The following SCRG1 variants were observed in gnomAD, a reference collection of about 807,000 sequenced individuals.
SCRG1 encodes stimulator of chondrogenesis 1, also known as scrapie-responsive protein 1.
Under a neutral mutation model 7.7 loss-of-function variants are expected in SCRG1, and 3 were observed. The ratio of observed to expected loss-of-function variants is 0.39; its 90% CI spans 0.18 to 1.01. The LOEUF is 1.01. Among genes scored for constraint, SCRG1 ranks in the 50% least tolerant of loss-of-function variants. The probability of loss-of-function intolerance (pLI) is 0.36; values close to 1 mark genes in which losing one functional copy is unlikely to be tolerated. For missense variants in SCRG1, 110 were observed against 117.2 expected (o/e 0.94, Z 0.28); for synonymous variants, 46 against 41.2 (o/e 1.12, Z -0.44).
chr4:173,498,054 T>C, the SCRG1 span, among the ~76,000 whole-genome samples: 1 of 152,186 alleles, frequency 6.6e-6, no homozygotes, highest in Non-Finnish European at 1.5e-5. Context: ...TGGGAGTTTG[T>C]TGTGTGAAGG....
In SCRG1 at chr4:173,385,359, A is replaced by G. The variant is rs970334620; in HGVS notation, c.*2982T>C. ...GTGACAAGTGCCTGTAGTCCCAGCT[A>G]CTCAGGAGGTTGAAGCACAAGTATC... On this transcript the variant is annotated 3_prime_UTR_variant, in exon 3 of 3. Transcript: ENST00000296506. 2.6e-5 allele frequency: 4 copies of G among 152,076 alleles called. No individual in the cohort carries two copies. The highest frequency in any genetic ancestry group is 5.9e-5 in the Non-Finnish European group (4 of 68,004). 9.4% of individuals were successfully genotyped at this position (152,076 alleles called of 1,614,324 possible).
At chr4:173,447,032 T>C in the SCRG1 span, among the ~76,000 whole-genome samples, 3 of 152,252 alleles carry the variant, frequency 2.0e-5, no homozygotes, top group Non-Finnish European at 4.4e-5. Flanking sequence ...TATCTGCCAC[T>C]GTGAGCTTCA....
the SCRG1 span, among the ~76,000 whole-genome samples, chr4:173,447,897 G>A: frequency 6.6e-6 from 1 of 152,114 alleles, no homozygotes; most frequent in Non-Finnish European, 1.5e-5. Context: ...CTGAGGTCAG[G>A]AGTTAGAGAC....
At chr4:173,440,383 G>A in the SCRG1 span, among the ~76,000 whole-genome samples, 3 of 152,202 alleles carry the variant, frequency 2.0e-5, no homozygotes, top group Non-Finnish European at 4.4e-5. Flanking sequence ...GGGTTAGTGG[G>A]AATTTGAAAT....
At chr4:173,489,045 G>A in the SCRG1 span, among the ~76,000 whole-genome samples, 4 of 152,134 alleles carry the variant, frequency 2.6e-5, no homozygotes, top group Non-Finnish European at 5.9e-5. Flanking sequence ...TTATTTTAAT[G>A]TCTCATTCAT....
chr4:173,485,152 T>C, the SCRG1 span, among the ~76,000 whole-genome samples: 1 of 37,666 alleles, frequency 2.7e-5, no homozygotes, highest in African/African-American at 7.3e-5. Flanking sequence ...TATAATGTAA[T>C]ATATAATATA....
the SCRG1 span, among the ~76,000 whole-genome samples, chr4:173,496,670 A>G: frequency 6.6e-6 from 1 of 152,222 alleles, no homozygotes; most frequent in Admixed American, 6.5e-5. Flanking sequence ...CTTACTGTGT[A>G]TCTGGCACTG....
At chr4:173,432,351 T>C in the SCRG1 span, among the ~76,000 whole-genome samples, 36 of 144,220 alleles carry the variant, frequency 2.5e-4, no homozygotes, top group African/African-American at 9.2e-4. Context: ...CTTTCATGTT[T>C]CCTGACATCT....
At chr4:173,450,977 G>A in the SCRG1 span, among the ~76,000 whole-genome samples, 2 of 152,098 alleles carry the variant, frequency 1.3e-5, no homozygotes, top group East Asian at 1.9e-4. Flanking sequence ...GTAGGAAGGG[G>A]GAGGAGCTAA....
the SCRG1 span, among the ~76,000 whole-genome samples, chr4:173,485,109 T>TTATATTATATATTATATATTATATAA: frequency 6.9e-5 from 1 of 14,470 alleles, no homozygotes; most frequent in Non-Finnish European, 1.1e-4. Flanking sequence ...ATATTATATA[T>TTATATTATATATTATATATTATATAA]TATATAATAT....
At chr4:173,509,547 C>A in the SCRG1 span, among the ~76,000 whole-genome samples, 1 of 152,224 alleles carries the variant, frequency 6.6e-6, no homozygotes, top group South Asian at 2.1e-4. This position sits in a 1 kb window ranked among gnomAD's most constrained non-coding sequence, Gnocchi z 5.7. Flanking sequence ...CAGGGCTGTG[C>A]GCTTCGGCCT....
chr4:173,422,549 T>C, the SCRG1 span, among the ~76,000 whole-genome samples: 3 of 152,208 alleles, frequency 2.0e-5, no homozygotes, highest in Admixed American at 6.5e-5. Flanking sequence ...GAATTTCACC[T>C]ATTTCCATTG....
At chr4:173,395,315 A>G (rs988355374) in intron 1 of SCRG1, among the ~76,000 whole-genome samples, 26 of 152,220 alleles carry the variant, frequency 1.7e-4, no homozygotes, top group Non-Finnish European at 5.9e-5. Context: ...TGCTTGGCCC[A>G]TATTTGAAAA....
the SCRG1 span, among the ~76,000 whole-genome samples, chr4:173,484,129 AAT>A: frequency 8.2e-5 from 1 of 12,154 alleles, no homozygotes; most frequent in South Asian, 2.0e-3. Context: ...TACAATATAT[AAT>A]ATATAATATA....
At chr4:173,485,598 C>T in the SCRG1 span, among the ~76,000 whole-genome samples, 1 of 152,224 alleles carries the variant, frequency 6.6e-6, no homozygotes, top group East Asian at 1.9e-4. Context: ...ACCATACTAT[C>T]TAACCACTTC....
At chr4:173,402,474 A>G (rs1739786857), upstream of SCRG1, among the ~76,000 whole-genome samples, 1 of 152,052 alleles carries the variant, frequency 6.6e-6, no homozygotes, top group Non-Finnish European at 1.5e-5. Flanking sequence ...AAAACCTCCC[A>G]AAATTGAAAA....
At chr4:173,468,774 A>G in the SCRG1 span, 1 of 152,226 alleles carries the variant, frequency 6.6e-6, no homozygotes, top group South Asian at 2.1e-4. Context: ...TTTGAAACCC[A>G]TCAATGAAAG....
chr4:173,484,176 A>G, the SCRG1 span, among the ~76,000 whole-genome samples: 3 of 82,322 alleles, frequency 3.6e-5, no homozygotes, highest in East Asian at 1.2e-3. Flanking sequence ...TATATAATAT[A>G]TAATATATTT....
chr4:173,487,258 C>T, the SCRG1 span, among the ~76,000 whole-genome samples: 1 of 152,184 alleles, frequency 6.6e-6, no homozygotes, highest in Non-Finnish European at 1.5e-5. Context: ...TTGAAGCTCT[C>T]ACCATTAAGA....
Sources: allele counts gnomAD v4.1 joint callset (sites outside exome capture counted in the v4.1 genomes callset), GRCh38; gene constraint gnomAD v4.1.1; non-coding constraint Gnocchi (gnomAD v3.1); transcripts MANE v1.5; gene names NCBI Gene and HGNC (gene_info 2026-07-23, HGNC 2026-07-21).